The following OPA1 variants were observed in gnomAD, a reference collection of about 807,000 sequenced individuals.
OPA1 encodes the protein dynamin-like GTPase OPA1, mitochondrial.
OPA1 carries 59 observed loss-of-function variants against 152.9 expected under a neutral mutation model. The observed-to-expected ratio is 0.39, with a 90% CI of 0.31 to 0.48. The LOEUF is 0.48. OPA1 is among the 20% of genes least tolerant of loss of function. The pLI, the probability that OPA1 is intolerant of heterozygous loss-of-function variation, is 0.96. For synonymous variants in OPA1, 400 were observed against 389.9 expected, an observed-to-expected ratio of 1.03 and a Z score of -0.31; for missense variants, 1,008 against 1,216.8, an observed-to-expected ratio of 0.83 and a Z score of 2.55.
At chr3:193,649,785 C>G (rs550892650) in intron 21 of OPA1, among the ~76,000 whole-genome samples, 12 of 152,126 alleles carry the variant, frequency 7.9e-5, no homozygotes, top group Non-Finnish European at 1.0e-4. Context: ...TTTTAATCTC[C>G]GTTCCTTATC....
chr3:193,666,647 G>A (rs767438188), intron 28 of OPA1, among the ~76,000 whole-genome samples: 4 of 152,012 alleles, frequency 2.6e-5, no homozygotes, highest in South Asian at 2.1e-4. Context: ...AAATTAGCCG[G>A]GCATGGTGGC....
At chr3:193,640,286 G>T (rs1484709770) in intron 11 of OPA1, among the ~76,000 whole-genome samples, 1 of 152,276 alleles carries the variant, frequency 6.6e-6, no homozygotes, top group Middle Eastern at 3.4e-3. Flanking sequence ...TGAGGGAAGA[G>T]AAAATAACAA....
intron 29 of OPA1, among the ~76,000 whole-genome samples, chr3:193,678,784 T>C (rs1376448864): frequency 6.6e-6 from 1 of 152,176 alleles, no homozygotes; most frequent in African/African-American, 2.4e-5. Flanking sequence ...CCTTCCTTTG[T>C]GTGCTTGTGT....
chr3:193,593,791 C>T (rs1461045441), intron 1 of OPA1, among the ~76,000 whole-genome samples: 1 of 151,960 alleles, frequency 6.6e-6, no homozygotes, highest in East Asian at 1.9e-4. Flanking sequence ...CATGAGTCAC[C>T]TCTCTCCACA....
chr3:193,656,561 A>G (rs947729279), intron 22 of OPA1, among the ~76,000 whole-genome samples: 10 of 152,244 alleles, frequency 6.6e-5, no homozygotes, highest in African/African-American at 2.4e-4. Context: ...AGACAAAGCT[A>G]TGAAGATGAC....
chr3:193,659,443 A>G (rs768887677), intron 24 of OPA1, 39 bp from the exon 25 acceptor site: 17 of 1,453,760 alleles, frequency 1.2e-5, no homozygotes, highest in Admixed American at 5.4e-5. Context: ...GTGTGTGTGT[A>G]AGTGATAAAA....
At chr3:193,686,282 C>T (rs1720926094) in intron 29 of OPA1, among the ~76,000 whole-genome samples, 1 of 152,206 alleles carries the variant, frequency 6.6e-6, no homozygotes, top group South Asian at 2.1e-4. Flanking sequence ...TTACAGGCCC[C>T]AGAAATCTGG....
intron 9 of OPA1, among the ~76,000 whole-genome samples, chr3:193,636,297 GAA>G (rs1319522512): frequency 6.6e-6 from 1 of 150,480 alleles, no homozygotes; most frequent in Non-Finnish European, 1.5e-5. Flanking sequence ...TTAGAACTGA[GAA>G]AAGTCATTTC....
chr3:193,593,240 G>GGGCCTC lies in OPA1; in HGVS notation c.-133_-128dup, dbSNP rs1157980913. 8.2e-6 allele frequency: 6 copies of GGGCCTC among 736,176 alleles called. No individual in the cohort carries two copies. The Admixed American group carries it at 2.0e-4, about 25-fold the overall frequency. 45.6% of individuals were successfully genotyped at this position (736,176 alleles called of 1,614,324 possible). A position where few individuals can be genotyped will look rare whatever the true frequency, so the allele number is the denominator to read the frequency against. On this transcript the variant is annotated 5_prime_UTR_variant, in exon 1 of 31. Transcript: ENST00000361510. ...TGCGGAAGTCCATGCGCCATTGGGA[G>GGGCCTC]GGCCTCGGCCGCGGCTCTGTGCCCT...
At chr3:193,613,588 T>TG (rs1728575228) in intron 1 of OPA1, among the ~76,000 whole-genome samples, 4 of 152,056 alleles carry the variant, frequency 2.6e-5, no homozygotes, top group African/African-American at 9.7e-5. Context: ...TTTGTTTGTT[T>TG]TTTTTTGGAG....
chr3:193,655,142 C>G (rs1713484938), intron 22 of OPA1, 115 bp downstream of exon 22: 1 of 902,112 alleles, frequency 1.1e-6, no homozygotes, highest in East Asian at 2.6e-5. Flanking sequence ...GTCTTTATAT[C>G]TCATTTATTC....
intron 10 of OPA1, among the ~76,000 whole-genome samples, 155 bp downstream of exon 10, chr3:193,637,436 G>T (rs564087039): frequency 6.7e-6 from 1 of 150,254 alleles, no homozygotes; most frequent in East Asian, 1.9e-4. Flanking sequence ...TCCAAGTAAT[G>T]TCTTAAGCAA....
chr3:193,680,062 A>G (rs1433281166), intron 29 of OPA1, among the ~76,000 whole-genome samples: 1 of 152,204 alleles, frequency 6.6e-6, no homozygotes, highest in Non-Finnish European at 1.5e-5. Flanking sequence ...GCTTTATCCT[A>G]ATACACCATT....
intron 19 of OPA1, 74 bp downstream of exon 19, chr3:193,647,254 T>C: frequency 1.1e-6 from 1 of 886,238 alleles, no homozygotes; most frequent in Non-Finnish European, 1.8e-6. Flanking sequence ...ATCCATACGA[T>C]TCTGTACTTC....
intron 21 of OPA1, among the ~76,000 whole-genome samples, chr3:193,651,536 C>T (rs954563487): frequency 6.6e-6 from 1 of 152,076 alleles, no homozygotes; most frequent in Non-Finnish European, 1.5e-5. Flanking sequence ...AGACCTTTCA[C>T]CTTGATTTTT....
intron 29 of OPA1, among the ~76,000 whole-genome samples, chr3:193,670,401 T>C (rs866537332): frequency 8.6e-5 from 13 of 151,920 alleles, no homozygotes; most frequent in African/African-American, 3.1e-4. Flanking sequence ...TTTTTTTTTT[T>C]TTGAGATGGA....
chr3:193,659,003 G>A lies in OPA1; in HGVS notation c.2440+8G>A. On this transcript the variant is annotated splice_region_variant and intron_variant, in intron 24 of 30. Transcript: ENST00000361510. ...AGGCTCGTCTCAAGGATAGTAAGTG[G>A]AGACACGGCTTATTGAGTTCTGAGT... 1 of 1,578,328 alleles carries A rather than the reference G, an allele frequency of 6.3e-7. No homozygotes were observed. Among genetic ancestry groups the A allele is most frequent in the Non-Finnish European group, 8.7e-7 (1 of 1,147,440 alleles).
At chr3:193,620,471 T>C (rs977812253) in intron 6 of OPA1, among the ~76,000 whole-genome samples, 2 of 152,240 alleles carry the variant, frequency 1.3e-5, no homozygotes, top group Non-Finnish European at 1.5e-5. Flanking sequence ...TTTTATACAG[T>C]AGACATGGAA....
At chr3:193,679,981 G>A (rs754059738) in intron 29 of OPA1, among the ~76,000 whole-genome samples, 1 of 152,008 alleles carries the variant, frequency 6.6e-6, no homozygotes, top group Non-Finnish European at 1.5e-5. Context: ...AGATAAACTC[G>A]GTGATAAACC....
Sources: gnomAD v4.1 joint callset for allele counts (sites outside exome capture counted in the v4.1 genomes callset) on GRCh38, gnomAD v4.1.1 for gene constraint, MANE v1.5 for transcripts, NCBI Gene and HGNC (gene_info 2026-07-23, HGNC 2026-07-21) for gene names.